MYO16: variants seen among roughly 807,000 people sequenced by gnomAD.
MYO16 encodes unconventional myosin-XVI.
In MYO16, 94 loss-of-function variants were observed where a neutral mutation model predicts 205.3. The observed-to-expected ratio is 0.46, with a 90% CI of 0.39 to 0.54. The LOEUF (loss-of-function observed/expected upper bound fraction) is 0.54. Ranked by LOEUF, MYO16 falls within the 20% of genes least tolerant of loss-of-function variation. The probability of loss-of-function intolerance (pLI) is 0.00; values close to 1 mark genes in which losing one functional copy is unlikely to be tolerated. For synonymous variants in MYO16, 988 were observed against 954.0 expected, an observed-to-expected ratio of 1.04 and a Z score of -0.66; for missense variants, 2,315 against 2,387.5, an observed-to-expected ratio of 0.97 and a Z score of 0.63.
chr13:109,117,227 CT>C (rs1416039621), intron 28 of MYO16, among the ~76,000 whole-genome samples: 1 of 152,006 alleles, frequency 6.6e-6, no homozygotes, highest in East Asian at 1.9e-4. Context: ...CTGTGACTCA[CT>C]TTATGCAAGG....
intron 4 of MYO16, 122 bp downstream of exon 4, chr13:108,727,705 A>T: frequency 1.8e-6 from 2 of 1,084,988 alleles, no homozygotes; most frequent in African/African-American, 1.6e-5. Context: ...ATATGTTATC[A>T]TGTATCTCCC....
intron 6 of MYO16, among the ~76,000 whole-genome samples, chr13:108,796,944 A>G (rs1355590992): frequency 6.6e-6 from 1 of 151,800 alleles, no homozygotes; most frequent in Non-Finnish European, 1.5e-5. Context: ...ATTAAAATTA[A>G]AATTAAAAAA....
At chr13:108,575,121 C>A in the MYO16 span, among the ~76,000 whole-genome samples, 4 of 152,168 alleles carry the variant, frequency 2.6e-5, no homozygotes, top group Non-Finnish European at 4.4e-5. Context: ...TTATCAGATG[C>A]CCTCTATCCT....
chr13:108,862,660 T>C (rs1034872886), intron 11 of MYO16, among the ~76,000 whole-genome samples: 1 of 152,184 alleles, frequency 6.6e-6, no homozygotes, highest in Non-Finnish European at 1.5e-5. Flanking sequence ...AAATAGAAAG[T>C]CCCCTAAGTT....
At chr13:108,725,332 C>T (rs536382158) in intron 3 of MYO16, among the ~76,000 whole-genome samples, 63 of 152,084 alleles carry the variant, frequency 4.1e-4, no homozygotes, top group African/African-American at 1.0e-3. Context: ...TTTTTGTATA[C>T]TTGGCAATTT....
intron 22 of MYO16, among the ~76,000 whole-genome samples, chr13:109,017,611 G>T (rs779056542): frequency 6.6e-5 from 10 of 152,144 alleles, no homozygotes; most frequent in Non-Finnish European, 1.2e-4. Context: ...ATCAAACGTA[G>T]ATTTGGTCTT....
intron 16 of MYO16, among the ~76,000 whole-genome samples, chr13:108,936,485 C>T (rs1882496907): frequency 6.6e-6 from 1 of 151,900 alleles, no homozygotes; most frequent in Admixed American, 6.6e-5. Context: ...TTTCTATTTC[C>T]TTTAGATTTT....
At chr13:109,136,419 A>G (rs955719381) in intron 31 of MYO16, among the ~76,000 whole-genome samples, 3 of 152,144 alleles carry the variant, frequency 2.0e-5, no homozygotes, top group African/African-American at 7.2e-5. Flanking sequence ...CATTCAAATT[A>G]TTTGCCATCT....
intron 22 of MYO16, among the ~76,000 whole-genome samples, chr13:109,018,853 T>G (rs773204753): frequency 6.6e-6 from 1 of 152,170 alleles, no homozygotes; most frequent in Non-Finnish European, 1.5e-5. Context: ...TCCAGTGAGA[T>G]GAACCAGCTA....
intron 32 of MYO16, among the ~76,000 whole-genome samples, chr13:109,157,690 C>A (rs1001072823): frequency 2.0e-5 from 3 of 152,108 alleles, no homozygotes; most frequent in African/African-American, 7.2e-5. Flanking sequence ...GAAAAGCACC[C>A]CTTAGAATGC....
rs71125367 is a variant in MYO16, at chr13:109,083,383, C to CAA, written c.3336-17367_3336-17366dup. 5.7e-3 allele frequency among the ~76,000 whole-genome samples: 296 copies of CAA among 52,320 alleles called. 58 individuals carry two copies. Among genetic ancestry groups the CAA allele is most frequent in the Non-Finnish European group, 6.9e-3 (216 of 31,384 alleles). The allele number at this position is 52,320 out of a possible 152,430, so 34.3% of individuals were successfully genotyped here. ...GGGCAAAAAGAGGGAAACTCCGTCT[C>CAA]AAAAAAAAAAAAAAAAAAAAAAAAA... On this transcript the variant is annotated intron_variant, in intron 27 of 34. Coordinates refer to ENST00000457511, the MANE Select transcript of MYO16 (RefSeq NM_001198950.3).
intron 20 of MYO16, among the ~76,000 whole-genome samples, chr13:108,978,084 A>T (rs986000390): frequency 5.9e-5 from 9 of 151,474 alleles, no homozygotes; most frequent in Non-Finnish European, 1.3e-4. Flanking sequence ...GGCTATAATG[A>T]GTTCTATTCT....
chr13:109,181,224 T>TGGCTCCCTGATGA (rs139696131), intron 34 of MYO16, among the ~76,000 whole-genome samples: 11,153 of 152,336 alleles, frequency 0.073, 563 homozygotes, highest in East Asian at 0.27. Flanking sequence ...AGGCAGGAAC[T>TGGCTCCCTGATGA]GCCAGTCATC....
At chr13:109,095,448 C>T (rs1485015233) in intron 27 of MYO16, among the ~76,000 whole-genome samples, 1 of 152,198 alleles carries the variant, frequency 6.6e-6, no homozygotes, top group Non-Finnish European at 1.5e-5. Context: ...TATCCTGTGA[C>T]ACCACCTATA....
chr13:109,120,500 T>A (rs1875939914), intron 29 of MYO16, 34 bp downstream of exon 29: 1 of 1,552,158 alleles, frequency 6.4e-7, no homozygotes, highest in Non-Finnish European at 8.8e-7. Flanking sequence ...CTGAATTTAT[T>A]TGAGTTGTGA....
intron 1 of MYO16, among the ~76,000 whole-genome samples, chr13:108,609,128 G>T (rs983929497): frequency 3.3e-5 from 5 of 152,116 alleles, no homozygotes; most frequent in Non-Finnish European, 7.4e-5. Flanking sequence ...ACTCAAGCCT[G>T]TCTGCAGGCC....
chr13:109,024,819 A>G (rs1379224274), intron 23 of MYO16, among the ~76,000 whole-genome samples: 3 of 152,018 alleles, frequency 2.0e-5, no homozygotes, highest in Non-Finnish European at 4.4e-5. Flanking sequence ...TGTAGATTAT[A>G]TGTAATTTGT....
At chr13:109,168,155 A>G (rs1878767871) in intron 33 of MYO16, among the ~76,000 whole-genome samples, 2 of 152,122 alleles carry the variant, frequency 1.3e-5, no homozygotes, top group Non-Finnish European at 2.9e-5. Flanking sequence ...GGGATAAAAT[A>G]GGAAAAATAG....
chr13:108,920,583 C>T (rs896301993), intron 16 of MYO16, among the ~76,000 whole-genome samples: 14 of 152,102 alleles, frequency 9.2e-5, no homozygotes, highest in South Asian at 4.1e-4. Context: ...CTCAGCCTCC[C>T]GAGTAGCTGG....
Sources: allele counts gnomAD v4.1 joint callset (sites outside exome capture counted in the v4.1 genomes callset), GRCh38; gene constraint gnomAD v4.1.1; transcripts MANE v1.5; gene names NCBI Gene and HGNC (gene_info 2026-07-23, HGNC 2026-07-21).